COL4A1: variants seen among roughly 807,000 people sequenced by gnomAD.
COL4A1 encodes collagen alpha-1(IV) chain.
A neutral mutation model predicts 216.6 loss-of-function variants in COL4A1; 40 were observed. That is an observed-to-expected ratio of 0.18 (90% confidence interval 0.14 to 0.24). The LOEUF is 0.24. Ranked by LOEUF, COL4A1 falls within the 10% of genes least tolerant of loss-of-function variation. COL4A1 has a pLI of 1.00. For missense variants in COL4A1, 1,628 were observed against 2,196.8 expected (o/e 0.74, Z 5.18); for synonymous variants, 839 against 810.7 (o/e 1.03, Z -0.59).
chr13:110,213,511 T>C (rs947386818), intron 4 of COL4A1, among the ~76,000 whole-genome samples: 1 of 152,038 alleles, frequency 6.6e-6, no homozygotes, highest in Admixed American at 6.5e-5. Context: ...CAGAAGAGAT[T>C]CCTGAAGAAG....
rs1566417493 is a variant in COL4A1, at chr13:110,253,180, C to CATATAACTATAT, written c.85-10447_85-10446insATATAGTTATAT. Among the ~76,000 whole-genome samples the CATATAACTATAT allele has an allele frequency of 2.2e-3, 202 of 91,186 alleles. 5 individuals carry two copies. The highest frequency in any genetic ancestry group is 6.7e-3 in the African/African-American group (142 of 21,206). The allele number at this position is 91,186 out of a possible 152,430, so 59.8% of individuals were successfully genotyped here. On this transcript the variant is annotated intron_variant, in intron 1 of 51. Transcript: ENST00000375820. ...TTATATATACATATAACTATATGTA[C>CATATAACTATAT]GTATGTATTATATATACATATAACT...
Position 110,268,189 on chromosome 13 carries a change from G to A in COL4A1, c.85-25455C>T, listed in dbSNP as rs1883113165. 2.0e-5 allele frequency among the ~76,000 whole-genome samples: 3 copies of A among 152,272 alleles called. No individual in the cohort carries two copies. The highest frequency in any genetic ancestry group is 7.2e-5 in the African/African-American group (3 of 41,562). ...AAAGACAAGGGGCCAGGTTCAGCAG[G>A]GCCGATGCCAACTGTGTCCTGCCTC... On this transcript the variant is annotated intron_variant, in intron 1 of 51. Coordinates refer to ENST00000375820, the MANE Select transcript of COL4A1 (RefSeq NM_001845.6). This position sits in a 1 kb window ranked among gnomAD's most constrained non-coding sequence, Gnocchi z 4.1.
In COL4A1 at chr13:110,208,433, A is replaced by AG. The variant is rs947464198; in HGVS notation, c.693+415dup. On this transcript the variant is annotated intron_variant, in intron 12 of 51. Coordinates refer to ENST00000375820, the MANE Select transcript of COL4A1 (RefSeq NM_001845.6). Reference sequence around the variant, plus strand: ...CCTCTGAGAAGAGAGGCCGGTGGTGAGGGGCCGCTGCCCACCGTGCTACTC... The same window carrying AG: ...CCTCTGAGAAGAGAGGCCGGTGGTGAGGGGGCCGCTGCCCACCGTGCTACTC... 9.2e-5 allele frequency among the ~76,000 whole-genome samples: 14 copies of AG among 151,970 alleles called. No homozygotes were observed. The South Asian group carries it at 1.7e-3, about 18-fold the overall frequency.
Position 110,177,937 on chromosome 13 carries a change from G to A in COL4A1, c.2627-6C>T, listed in dbSNP as rs1877956934. ...GCCCATTTCTCCCTTGGAACCTGTGGCCAAAGGAAAGGACTGTGAACATTT... is the reference window on the plus strand; with the variant it reads ...GCCCATTTCTCCCTTGGAACCTGTGACCAAAGGAAAGGACTGTGAACATTT... On this transcript the variant is annotated splice_polypyrimidine_tract_variant and splice_region_variant and intron_variant, in intron 32 of 51. Coordinates refer to ENST00000375820, the MANE Select transcript of COL4A1 (RefSeq NM_001845.6). 16 of 1,614,146 alleles carry A rather than the reference G, an allele frequency of 9.9e-6. No homozygotes were observed. The highest frequency in any genetic ancestry group is 1.4e-5 in the Non-Finnish European group (16 of 1,180,012).
chr13:110,244,359 G>A (rs978948020), intron 1 of COL4A1, among the ~76,000 whole-genome samples: 9 of 152,156 alleles, frequency 5.9e-5, no homozygotes, highest in Non-Finnish European at 8.8e-5. Context: ...GAGATGATAG[G>A]TCTGTGTTTT....
intron 1 of COL4A1, among the ~76,000 whole-genome samples, chr13:110,262,378 C>T (rs758626868): frequency 2.8e-4 from 42 of 152,220 alleles, no homozygotes; most frequent in Admixed American, 2.2e-3. Context: ...CTTCAAAATG[C>T]GTCTGCCCTC....
chr13:110,202,473 A>G (rs1182600328), intron 18 of COL4A1, among the ~76,000 whole-genome samples: 1 of 152,226 alleles, frequency 6.6e-6, no homozygotes, highest in Admixed American at 6.5e-5. Flanking sequence ...TCATCCCACA[A>G]GTTATATATA....
intron 20 of COL4A1, among the ~76,000 whole-genome samples, chr13:110,200,255 C>T (rs963270630): frequency 2.0e-5 from 3 of 152,226 alleles, no homozygotes; most frequent in Non-Finnish European, 2.9e-5. Flanking sequence ...CGTGCATCTG[C>T]GCATATGGAC....
intron 26 of COL4A1, among the ~76,000 whole-genome samples, chr13:110,185,231 T>C (rs531667146): frequency 6.6e-6 from 1 of 151,884 alleles, no homozygotes; most frequent in Non-Finnish European, 1.5e-5. Flanking sequence ...CTACAACCTC[T>C]GCCTCCCGGG....
intron 50 of COL4A1, among the ~76,000 whole-genome samples, chr13:110,154,240 G>A (rs1876657304): frequency 2.0e-5 from 3 of 152,208 alleles, no homozygotes; most frequent in African/African-American, 7.2e-5. Context: ...GATCTTACAA[G>A]TTCACGGCTT....
intron 1 of COL4A1, among the ~76,000 whole-genome samples, chr13:110,292,767 G>T (rs551762172): frequency 6.6e-6 from 1 of 152,300 alleles, no homozygotes; most frequent in East Asian, 1.9e-4. Flanking sequence ...CCCTCAACAT[G>T]TAGGGAGGGA....
chr13:110,257,397 A>G (rs983613138), intron 1 of COL4A1, among the ~76,000 whole-genome samples: 1 of 152,244 alleles, frequency 6.6e-6, no homozygotes, highest in African/African-American at 2.4e-5. Flanking sequence ...CCATAAGAAT[A>G]TGGAAGATAA....
chr13:110,159,163 C>T (rs758276183), intron 49 of COL4A1, among the ~76,000 whole-genome samples: 21 of 152,172 alleles, frequency 1.4e-4, no homozygotes, highest in South Asian at 2.1e-4. Context: ...GGCCTGAAAA[C>T]GTACTTCAGA....
intron 2 of COL4A1, among the ~76,000 whole-genome samples, chr13:110,235,356 AAAAG>A (rs1881263316): frequency 6.6e-6 from 1 of 152,234 alleles, no homozygotes; most frequent in African/African-American, 2.4e-5. Flanking sequence ...AAACAGCAAT[AAAAG>A]AAAGAAGATG....
chr13:110,205,593 T>G, intron 15 of COL4A1, 55 bp from the exon 16 acceptor site: 132 of 1,505,340 alleles, frequency 8.8e-5, no homozygotes, highest in Non-Finnish European at 1.0e-4. Flanking sequence ...CTGCGCGCGG[T>G]GGCTCATGCC....
rs771624014 is a variant in COL4A1, at chr13:110,152,429, C to T, written c.4833G>A (p.Ala1611=). 17 of 1,614,042 alleles carry T rather than the reference C, an allele frequency of 1.1e-5. No homozygotes were observed. The highest frequency in any genetic ancestry group is 9.3e-5 in the African/African-American group (7 of 74,938). Residue 1611 remains alanine, a synonymous_variant, in exon 51 of 52, where the codon GCG becomes GCA. Transcript: ENST00000375820. The stretch of plus-strand genomic sequence containing the variant: ...CACGGCCGTGACACTCGATGAATGG[C>T]GCACTTCTAAACTCCTCCAGGCAGG... The part of the protein sequence containing the change: ...PGSCLEEFRS[A]PFIECHGRGT...
chr13:110,153,602 T>C (rs1305741573), intron 50 of COL4A1, among the ~76,000 whole-genome samples: 2 of 152,164 alleles, frequency 1.3e-5, no homozygotes, highest in East Asian at 3.8e-4. Context: ...TACATCATTG[T>C]TAGTGTCCTG....
intron 1 of COL4A1, among the ~76,000 whole-genome samples, chr13:110,289,067 G>C (rs910061041): frequency 6.6e-6 from 1 of 152,164 alleles, no homozygotes; most frequent in African/African-American, 2.4e-5. Flanking sequence ...CACAGGCCTA[G>C]CCCTTCAGTG....
intron 29 of COL4A1, 114 bp from the exon 30 acceptor site, chr13:110,179,535 A>ATTATC: frequency 6.8e-7 from 1 of 1,467,252 alleles, no homozygotes; most frequent in Non-Finnish European, 9.5e-7. Flanking sequence ...TAGTAAGAAT[A>ATTATC]TTATCTGCTC....
Sources: gnomAD v4.1 joint callset for allele counts (sites outside exome capture counted in the v4.1 genomes callset) on GRCh38, gnomAD v4.1.1 for gene constraint, Gnocchi (gnomAD v3.1) non-coding constraint, MANE v1.5 for transcripts, NCBI Gene and HGNC (gene_info 2026-07-23, HGNC 2026-07-21) for gene names.